The following INKA2 variants were observed in gnomAD, a reference collection of about 807,000 sequenced individuals.
INKA2 encodes the protein inka box actin regulator 2, also known as PAK4-inhibitor INKA2.
Under a neutral mutation model 9.8 loss-of-function variants are expected in INKA2, and 3 were observed. That is an observed-to-expected ratio of 0.31 (90% CI 0.14 to 0.79). INKA2 has a LOEUF of 0.79. INKA2 is among the 30% of genes least tolerant of loss of function. INKA2 has a pLI of 0.62. For missense variants in INKA2, 392 were observed against 384.4 expected (o/e 1.02, Z -0.17); for synonymous variants, 147 against 143.3 (o/e 1.03, Z -0.18).
At chr1:111,751,636 C>T (rs115517545) in intron 1 of INKA2, among the ~76,000 whole-genome samples, 1 of 152,194 alleles carries the variant, frequency 6.6e-6, no homozygotes. Flanking sequence ...AAAGTCCAGA[C>T]ACCAACCTGG....
chr1:111,735,382 A>T lies in INKA2; in HGVS notation c.57+3804T>A, dbSNP rs145499296. ...TGACACTGTGCTATGTGTGAAAGAC[A>T]AATAGTTGGCGAGGCACTTAAATTG... On this transcript the variant is annotated intron_variant, in intron 1 of 1. Coordinates refer to ENST00000357260, the MANE Select transcript of INKA2 (RefSeq NM_019099.5). 3.3e-3 allele frequency among the ~76,000 whole-genome samples: 498 copies of T among 152,354 alleles called. 1 individual carries two copies. The highest frequency in any genetic ancestry group is 0.011 in the African/African-American group (448 of 41,582).
chr1:111,726,764 C>T lies in INKA2; in HGVS notation c.*204G>A. On this transcript the variant is annotated 3_prime_UTR_variant, in exon 2 of 2. Transcript: ENST00000357260. Reference sequence around the variant, plus strand: ...CACTCTCCAGCTACTCTTACCTCCTCCACCAGCTAGCCCCCAAGACAGCCT... The same window carrying T: ...CACTCTCCAGCTACTCTTACCTCCTTCACCAGCTAGCCCCCAAGACAGCCT... The T allele has an allele frequency of 1.6e-6, 1 of 617,868 alleles. No individual in the cohort carries two copies. The highest frequency in any genetic ancestry group is 2.9e-6 in the Non-Finnish European group (1 of 348,788). 38.3% of individuals were successfully genotyped at this position (617,868 alleles called of 1,614,324 possible). A position where few individuals can be genotyped will look rare whatever the true frequency, so the allele number is the denominator to read the frequency against.
At position 111,723,258 on chromosome 1, in the gene INKA2, A is replaced by G; in HGVS notation, c.*3710T>C. ...GCCTCTCCCCAACAAGGCCCTAGGG[A>G]GGAGATGGGGATGTGGAGAGGACAG... On this transcript the variant is annotated 3_prime_UTR_variant, in exon 2 of 2. Coordinates refer to ENST00000357260, the MANE Select transcript of INKA2 (RefSeq NM_019099.5). 4 of 581,136 alleles carry G rather than the reference A, an allele frequency of 6.9e-6. No individual in the cohort carries two copies. Among genetic ancestry groups the G allele is most frequent in the South Asian group, 2.0e-5 (1 of 48,810 alleles). 36.0% of individuals were successfully genotyped at this position (581,136 alleles called of 1,614,324 possible).
rs1571588125 is a variant in INKA2, at chr1:111,725,507, T to C, written c.*1461A>G. On this transcript the variant is annotated 3_prime_UTR_variant, in exon 2 of 2. Transcript: ENST00000357260. ...CGGAGCTGAGCTGCTGCCTGGCCCT[T>C]CCCCCTCCGTCCCGGCTGCCTCTAG... 1 of 152,416 alleles carries C rather than the reference T, an allele frequency of 6.6e-6. No homozygotes were observed. Among genetic ancestry groups the C allele is most frequent in the Non-Finnish European group, 1.5e-5 (1 of 68,162 alleles). 9.4% of individuals were successfully genotyped at this position (152,416 alleles called of 1,614,324 possible).
chr1:111,739,580 G>C (rs1417739379), upstream of INKA2, among the ~76,000 whole-genome samples: 1 of 152,246 alleles, frequency 6.6e-6, no homozygotes, highest in African/African-American at 2.4e-5. Flanking sequence ...ACTGGGGCTG[G>C]CGAGGACACA....
chr1:111,729,298 A>G (rs1428168434), intron 1 of INKA2, among the ~76,000 whole-genome samples: 1 of 152,108 alleles, frequency 6.6e-6, no homozygotes, highest in African/African-American at 2.4e-5. Flanking sequence ...CTCCCTCCCA[A>G]ACACCTGTCC....
Position 111,723,119 on chromosome 1 carries a change from G to A in INKA2, c.*3849C>T, listed in dbSNP as rs997858733. The stretch of plus-strand genomic sequence containing the variant: ...GAAGTGCCTTAACTGCACCGGATGG[G>A]GAAGGCACCTGAGGTGGGTTCTGGC... On this transcript the variant is annotated 3_prime_UTR_variant, in exon 2 of 2. Coordinates refer to ENST00000357260, the MANE Select transcript of INKA2 (RefSeq NM_019099.5). 1.0e-5 allele frequency: 7 copies of A among 700,042 alleles called. No homozygotes were observed. The East Asian group carries it at 1.9e-4, about 19-fold the overall frequency. The allele number at this position is 700,042 out of a possible 1,614,324, so 43.4% of individuals were successfully genotyped here.
At chr1:111,743,799 C>T (rs1663201038), upstream of INKA2, among the ~76,000 whole-genome samples, 1 of 152,238 alleles carries the variant, frequency 6.6e-6, no homozygotes, top group Non-Finnish European at 1.5e-5. Context: ...GGGCAGGGGC[C>T]CTATCCCCAG....
rs199727515 is a variant in INKA2 at position 111,727,094 on chromosome 1, G to C, written c.768C>G (p.Gly256=). 4.3e-6 allele frequency: 7 copies of C among 1,614,214 alleles called. No individual in the cohort carries two copies. In the Admixed American group the frequency reaches 1.2e-4, roughly 27 times the overall value. ...QKVKKRSLSK[G]SGHFPFPGTG... Reference sequence around the variant, plus strand: ...TGCCTGGGAAGGGGAAATGTCCAGAGCCCTTGGAAAGGCTCCGCTTCTTGA... The same window carrying C: ...TGCCTGGGAAGGGGAAATGTCCAGACCCCTTGGAAAGGCTCCGCTTCTTGA... The change falls in exon 2 of 2, where the codon GGC becomes GGG. Residue 256 remains glycine, a synonymous_variant. Transcript: ENST00000357260.
At chr1:111,750,073 G>T (rs928593228) in intron 1 of INKA2, among the ~76,000 whole-genome samples, 1 of 152,224 alleles carries the variant, frequency 6.6e-6, no homozygotes, top group Non-Finnish European at 1.5e-5. Context: ...CCCCTTTCTC[G>T]AAAGAAGAGC....
In INKA2 at chr1:111,727,585, G is replaced by C. The variant is rs1419949718; in HGVS notation, c.277C>G (p.Pro93Ala). 1.2e-6 allele frequency: 2 copies of C among 1,611,898 alleles called. No homozygotes were observed. The highest frequency in any genetic ancestry group is 3.3e-5 in the Admixed American group (2 of 59,848). The change falls in exon 2 of 2, where the codon CCC (proline) becomes GCC (alanine). Residue 93 changes from proline (P) to alanine (A), a missense_variant. By Grantham distance (27) the Pro-to-Ala change is conservative (BLOSUM62 -1). Coordinates refer to ENST00000357260, the MANE Select transcript of INKA2 (RefSeq NM_019099.5). Reference protein sequence around the residue: ...RGPARPTVCSPSSQPSLGSST... With the variant: ...RGPARPTVCSASSQPSLGSST... ...CTGCCAAGAGAAGGTTGACTGGAGG[G>C]GGAACAGACTGTGGGCCTGGCAGGA...
Position 111,727,309 on chromosome 1 carries a change from C to G in INKA2, c.553G>C (p.Gly185Arg), listed in dbSNP as rs147968487. 1.6e-5 allele frequency: 26 copies of G among 1,614,086 alleles called. No individual in the cohort carries two copies. The South Asian group carries it at 2.1e-4, about 13-fold the overall frequency. ...LEKGGEKGETGGAREPKGEKG... is the reference protein window; with the variant it reads ...LEKGGEKGETRGAREPKGEKG... Reference sequence around the variant, plus strand: ...TCTCCTTTGGGTTCACGTGCCCCCCCAGTCTCACCCTTCTCCCCACCCTTC... The same window carrying G: ...TCTCCTTTGGGTTCACGTGCCCCCCGAGTCTCACCCTTCTCCCCACCCTTC... The change falls in exon 2 of 2, where the codon GGG (glycine) becomes CGG (arginine). Residue 185 changes from glycine (G) to arginine (R), a missense_variant. Transcript: ENST00000357260.
At chr1:111,751,277 G>A (rs1663406485) in intron 1 of INKA2, among the ~76,000 whole-genome samples, 1 of 152,216 alleles carries the variant, frequency 6.6e-6, no homozygotes, top group Admixed American at 6.5e-5. Context: ...GAAAGCTATT[G>A]CTCTTTGAAT....
chr1:111,755,561 G>A, intron 1 of INKA2: 1 of 920,586 alleles, frequency 1.1e-6, no homozygotes. Flanking sequence ...GACGCACCGG[G>A]CGCATCACAA....
At chr1:111,755,718 C>T (rs775894300) in exon 1 of INKA2, 4 of 1,613,864 alleles carry the variant, frequency 2.5e-6, no homozygotes, top group East Asian at 2.2e-5. Context: ...CTCATCTTTC[C>T]TCTCCTCCCT....
intron 1 of INKA2, among the ~76,000 whole-genome samples, chr1:111,735,363 T>G (rs1186568822): frequency 2.0e-5 from 3 of 152,240 alleles, no homozygotes; most frequent in Non-Finnish European, 4.4e-5. Context: ...CATCTGACAC[T>G]GTGCTATGTG....
intron 1 of INKA2, among the ~76,000 whole-genome samples, chr1:111,748,475 G>C (rs1293807943): frequency 6.6e-6 from 1 of 152,214 alleles, no homozygotes; most frequent in Non-Finnish European, 1.5e-5. Flanking sequence ...CCTGCCAAAG[G>C]AATTTGCCAG....
rs114700370 is a variant in INKA2, at chr1:111,732,067, G to A, written c.58-4263C>T. Among the ~76,000 whole-genome samples, 1,256 of 152,308 alleles carry A rather than the reference G, an allele frequency of 8.2e-3. 15 individuals carry two copies. Among genetic ancestry groups the A allele is most frequent in the African/African-American group, 0.029 (1,207 of 41,566 alleles). On this transcript the variant is annotated intron_variant, in intron 1 of 1. Transcript: ENST00000357260. ...TGGGAGAGGGATGAGAAGCGAAGGA[G>A]GAGTTGTGGGAACCTGGGAGGGCCA...
At chr1:111,749,994 G>A (rs569966824) in intron 1 of INKA2, among the ~76,000 whole-genome samples, 4 of 152,280 alleles carry the variant, frequency 2.6e-5, no homozygotes, top group Non-Finnish European at 4.4e-5. Flanking sequence ...TGTCCCATCA[G>A]TCTCTAATAA....
Sources: gnomAD v4.1 joint callset for allele counts (sites outside exome capture counted in the v4.1 genomes callset) on GRCh38, gnomAD v4.1.1 for gene constraint, MANE v1.5 for transcripts, NCBI Gene and HGNC (gene_info 2026-07-23, HGNC 2026-07-21) for gene names.